Variants in EYS observed in about 807,000 individuals in gnomAD.
EYS encodes the protein EGF-like photoreceptor maintenance factor, also known as protein eyes shut homolog.
Under a neutral mutation model 282.1 loss-of-function variants are expected in EYS, and 250 were observed. The ratio of observed to expected loss-of-function variants is 0.89; its 90% CI spans 0.80 to 0.98. The LOEUF (loss-of-function observed/expected upper bound fraction) is 0.98. Ranked by LOEUF, EYS falls within the 50% of genes least tolerant of loss-of-function variation. EYS has a pLI of 0.00. For synonymous variants in EYS, 1,355 were observed against 1,282.9 expected, an observed-to-expected ratio of 1.06 and a Z score of -1.20; for missense variants, 4,016 against 3,709.0, an observed-to-expected ratio of 1.08 and a Z score of -2.15.
intron 5 of EYS, among the ~76,000 whole-genome samples, chr6:65,418,669 G>A (rs1488573572): frequency 6.6e-6 from 1 of 151,994 alleles, no homozygotes; most frequent in Admixed American, 6.6e-5. Flanking sequence ...ATAAGTGGGA[G>A]TTGAACATTG....
At chr6:65,204,979 A>AAGAATATATTTATATATTCT (rs1301324649) in intron 12 of EYS, among the ~76,000 whole-genome samples, 1 of 103,150 alleles carries the variant, frequency 9.7e-6, no homozygotes, top group Non-Finnish European at 2.1e-5. Flanking sequence ...TATATTCTAG[A>AAGAATATATTTATATATTCT]AGAATATATT....
intron 12 of EYS, among the ~76,000 whole-genome samples, chr6:65,194,789 C>T (rs543929427): frequency 6.6e-6 from 1 of 151,592 alleles, no homozygotes; most frequent in Admixed American, 6.6e-5. Flanking sequence ...GTCCAATCTC[C>T]TCAAAATAGT....
intron 31 of EYS, among the ~76,000 whole-genome samples, chr6:64,140,350 T>G (rs1298431572): frequency 1.3e-5 from 2 of 152,258 alleles, no homozygotes; most frequent in Non-Finnish European, 2.9e-5. Context: ...CTTCACAGAA[T>G]ATTTAAGTGA....
chr6:64,415,698 G>A (rs1774039071), intron 28 of EYS, among the ~76,000 whole-genome samples: 1 of 152,106 alleles, frequency 6.6e-6, no homozygotes, highest in South Asian at 2.1e-4. Context: ...GACCTATTTT[G>A]AAAGTATGCT....
At chr6:65,141,200 G>T (rs959776432) in intron 12 of EYS, among the ~76,000 whole-genome samples, 1 of 152,028 alleles carries the variant, frequency 6.6e-6, no homozygotes, top group Non-Finnish European at 1.5e-5. Context: ...TAGGGACATG[G>T]ATGAAGCTGG....
chr6:63,789,280 T>C lies in EYS; in HGVS notation c.7412-56A>G, dbSNP rs1770448683. The stretch of plus-strand genomic sequence containing the variant: ...ACTGAGAGGAAATTCAGGAGTTCCG[T>C]CAGCTTTATTTTACTGACTGGTTCT... On this transcript the variant is annotated intron_variant, in intron 37 of 42. Transcript: ENST00000503581. The C allele has an allele frequency of 1.7e-5, 25 of 1,502,390 alleles. 1 individual carries two copies. The Admixed American group carries it at 4.7e-4, about 28-fold the overall frequency. 93.1% of individuals were successfully genotyped at this position (1,502,390 alleles called of 1,614,324 possible). A position where few individuals can be genotyped will look rare whatever the true frequency, so the allele number is the denominator to read the frequency against.
rs1776940801 is a variant in EYS at position 64,498,011 on chromosome 6, GTATA to G, written c.5645-58663_5645-58660del. On this transcript the variant is annotated intron_variant, in intron 26 of 42. Coordinates refer to ENST00000503581, the MANE Select transcript of EYS (RefSeq NM_001142800.2). ...CCAAGTTTTCAAACTTCCATCTTGGGTATAGTTAGAGTTAATGATAAAGTATATT... is the reference window on the plus strand; with the variant it reads ...CCAAGTTTTCAAACTTCCATCTTGGGGTTAGAGTTAATGATAAAGTATATT... 3.9e-5 allele frequency among the ~76,000 whole-genome samples: 6 copies of G among 152,048 alleles called. No homozygotes were observed. In the South Asian group the frequency reaches 1.2e-3, roughly 31 times the overall value.
intron 35 of EYS, among the ~76,000 whole-genome samples, chr6:63,961,550 T>C (rs1766062162): frequency 6.6e-6 from 1 of 152,154 alleles, no homozygotes; most frequent in Non-Finnish European, 1.5e-5. Context: ...TCAGCCCGCC[T>C]GCACCCACGT....
chr6:64,342,971 A>T (rs1771189121), intron 29 of EYS, among the ~76,000 whole-genome samples: 1 of 152,112 alleles, frequency 6.6e-6, no homozygotes, highest in African/African-American at 2.4e-5. Flanking sequence ...GCCATTACAT[A>T]ATGGTAAAGG....
intron 22 of EYS, among the ~76,000 whole-genome samples, chr6:64,662,922 C>T (rs1379186421): frequency 6.6e-6 from 1 of 152,154 alleles, no homozygotes; most frequent in Non-Finnish European, 1.5e-5. Context: ...CTGCTCTAGA[C>T]CTTTTCTGAA....
chr6:64,624,610 G>C (rs1057055996), intron 23 of EYS, among the ~76,000 whole-genome samples: 1 of 152,106 alleles, frequency 6.6e-6, no homozygotes, highest in Non-Finnish European at 1.5e-5. Flanking sequence ...GATGTTCTAC[G>C]TGACCAAATA....
At chr6:65,472,628 C>G (rs1038385243) in intron 5 of EYS, among the ~76,000 whole-genome samples, 1 of 151,636 alleles carries the variant, frequency 6.6e-6, no homozygotes, top group African/African-American at 2.4e-5. Context: ...CTTATTTGTA[C>G]AAAAATGTGA....
chr6:64,293,737 T>C lies in EYS; in HGVS notation c.6191+13233A>G, dbSNP rs138692322. On this transcript the variant is annotated intron_variant, in intron 30 of 42. Coordinates refer to ENST00000503581, the MANE Select transcript of EYS (RefSeq NM_001142800.2). Reference sequence around the variant, plus strand: ...ATGTATTTTATTCTTTTCTCTGACTTATAAGTATTACTATTCCATTTTATT... The same window carrying C: ...ATGTATTTTATTCTTTTCTCTGACTCATAAGTATTACTATTCCATTTTATT... Among the ~76,000 whole-genome samples the C allele has an allele frequency of 8.9e-3, 1,361 of 152,264 alleles. 18 individuals carry two copies. The highest frequency in any genetic ancestry group is 0.03 in the African/African-American group (1,264 of 41,582).
intron 22 of EYS, among the ~76,000 whole-genome samples, chr6:64,663,341 C>T: frequency 6.7e-6 from 1 of 149,272 alleles, no homozygotes; most frequent in East Asian, 2.0e-4. Flanking sequence ...TTGGATACCA[C>T]TTCATTTGGT....
chr6:65,618,133 C>A (rs1766290476), intron 2 of EYS, among the ~76,000 whole-genome samples: 1 of 152,018 alleles, frequency 6.6e-6, no homozygotes, highest in African/African-American at 2.4e-5. Flanking sequence ...GCCACACTGA[C>A]TTCCACAATG....
intron 24 of EYS, among the ~76,000 whole-genome samples, chr6:64,600,034 T>C (rs151337760): frequency 1.2e-3 from 181 of 152,276 alleles, no homozygotes; most frequent in Middle Eastern, 6.8e-3. Flanking sequence ...CTATTGACAG[T>C]AACATTTGAA....
At chr6:64,396,805 C>A (rs1773394751) in intron 28 of EYS, among the ~76,000 whole-genome samples, 1 of 152,000 alleles carries the variant, frequency 6.6e-6, no homozygotes, top group African/African-American at 2.4e-5. Context: ...ATATCAATGT[C>A]TTAAGACTTA....
At chr6:64,241,769 C>A (rs1024372803) in intron 30 of EYS, among the ~76,000 whole-genome samples, 1 of 151,488 alleles carries the variant, frequency 6.6e-6, no homozygotes, top group Non-Finnish European at 1.5e-5. Context: ...TTCTCTAGTT[C>A]TTTTAATTGT....
At chr6:65,019,176 A>C (rs530041875) in intron 13 of EYS, among the ~76,000 whole-genome samples, 1 of 152,186 alleles carries the variant, frequency 6.6e-6, no homozygotes, top group African/African-American at 2.4e-5. Flanking sequence ...TAGGAAAATT[A>C]TTTCTTTATA....
Sources: allele counts gnomAD v4.1 joint callset (sites outside exome capture counted in the v4.1 genomes callset), GRCh38; gene constraint gnomAD v4.1.1; transcripts MANE v1.5; gene names NCBI Gene and HGNC (gene_info 2026-07-23, HGNC 2026-07-21).